The following RALGPS1 variants were observed in gnomAD, a reference collection of about 807,000 sequenced individuals.
RALGPS1 encodes the protein ras-specific guanine nucleotide-releasing factor RalGPS1.
Under a neutral mutation model 78.8 loss-of-function variants are expected in RALGPS1, and 19 were observed. The ratio of observed to expected loss-of-function variants is 0.24; its 90% CI spans 0.17 to 0.35. RALGPS1 has a LOEUF of 0.35. RALGPS1 is among the 10% of genes least tolerant of loss of function. The pLI, the probability that RALGPS1 is intolerant of heterozygous loss-of-function variation, is 1.00. For synonymous variants in RALGPS1, 228 were observed against 256.3 expected, an observed-to-expected ratio of 0.89 and a Z score of 1.06; for missense variants, 454 against 688.3, an observed-to-expected ratio of 0.66 and a Z score of 3.81.
intron 4 of RALGPS1, among the ~76,000 whole-genome samples, chr9:127,028,460 G>A (rs1165734686): frequency 1.3e-5 from 2 of 152,252 alleles, no homozygotes; most frequent in Non-Finnish European, 1.5e-5. Flanking sequence ...TCTGTGGAGT[G>A]TGTAGCACAG....
At chr9:127,115,494 G>T (rs1029446067) in intron 8 of RALGPS1, among the ~76,000 whole-genome samples, 1 of 152,206 alleles carries the variant, frequency 6.6e-6, no homozygotes, top group African/African-American at 2.4e-5. Flanking sequence ...TAAGAGAAAG[G>T]TATTATATCT....
intron 14 of RALGPS1, among the ~76,000 whole-genome samples, chr9:127,201,738 C>T (rs761755484): frequency 3.9e-5 from 6 of 152,164 alleles, no homozygotes; most frequent in Non-Finnish European, 7.3e-5. Flanking sequence ...TCACCCAGGC[C>T]AAATCCTCCT....
Position 127,107,802 on chromosome 9 carries a change from T to G in RALGPS1, c.610+38446T>G, listed in dbSNP as rs1167264191. The G allele has an allele frequency of 7.1e-6, 8 of 1,126,448 alleles. No homozygotes were observed. The East Asian group carries it at 1.7e-4, about 24-fold the overall frequency. The allele number at this position is 1,126,448 out of a possible 1,614,324, so 69.8% of individuals were successfully genotyped here. A position where few individuals can be genotyped will look rare whatever the true frequency, so the allele number is the denominator to read the frequency against. On this transcript the variant is annotated intron_variant, in intron 8 of 18. Coordinates refer to ENST00000259351, the MANE Select transcript of RALGPS1 (RefSeq NM_014636.3). The stretch of plus-strand genomic sequence containing the variant: ...AGGGATTGCTGGGGGATTGTGCATG[T>G]CTTTGGCCTGGCTTCAACTGGCCAT...
At chr9:127,161,088 A>G (rs1428197890) in intron 8 of RALGPS1, among the ~76,000 whole-genome samples, 1 of 152,240 alleles carries the variant, frequency 6.6e-6, no homozygotes, top group Non-Finnish European at 1.5e-5. Context: ...TCACAATGTC[A>G]TCTGCTTTGG....
At chr9:127,078,976 A>C (rs1301237351) in intron 8 of RALGPS1, among the ~76,000 whole-genome samples, 1 of 152,244 alleles carries the variant, frequency 6.6e-6, no homozygotes, top group Non-Finnish European at 1.5e-5. Context: ...GCTGCAAAAT[A>C]TGAACAAGAT....
chr9:126,957,028 C>T (rs1361973921), intron 1 of RALGPS1, among the ~76,000 whole-genome samples: 2 of 152,220 alleles, frequency 1.3e-5, no homozygotes, highest in African/African-American at 4.8e-5. Flanking sequence ...GTCACATTAC[C>T]TCACTGTGCT....
At chr9:127,137,905 G>A (rs908204688) in intron 8 of RALGPS1, among the ~76,000 whole-genome samples, 1 of 152,216 alleles carries the variant, frequency 6.6e-6, no homozygotes, top group Admixed American at 6.5e-5. Context: ...TCCCTCATCT[G>A]TAAATGGGGT....
rs1215804581 is a variant in RALGPS1, at chr9:127,220,249, TC to T, written c.*1481del. The stretch of plus-strand genomic sequence containing the variant: ...TTTCAGAGCTCAGACTGATCAGGCA[TC>T]AAGCTACCCTCAAGAGTTTCTGGGC... On this transcript the variant is annotated 3_prime_UTR_variant, in exon 19 of 19. Transcript: ENST00000259351. 4.6e-5 allele frequency: 7 copies of T among 152,140 alleles called. No individual in the cohort carries two copies. The highest frequency in any genetic ancestry group is 1.7e-4 in the African/African-American group (7 of 41,434). The allele number at this position is 152,140 out of a possible 1,614,324, so 9.4% of individuals were successfully genotyped here.
At chr9:127,064,599 A>G (rs925509567) in intron 7 of RALGPS1, among the ~76,000 whole-genome samples, 1 of 152,200 alleles carries the variant, frequency 6.6e-6, no homozygotes, top group African/African-American at 2.4e-5. Flanking sequence ...CCATATACTT[A>G]CCAATGTGCT....
intron 7 of RALGPS1, among the ~76,000 whole-genome samples, chr9:127,054,496 G>A (rs536808296): frequency 2.0e-5 from 3 of 152,234 alleles, no homozygotes; most frequent in South Asian, 2.1e-4. Flanking sequence ...GCAGAGATAC[G>A]GTCCACTCAG....
intron 5 of RALGPS1, among the ~76,000 whole-genome samples, chr9:127,045,746 C>CACACACACACAT: frequency 9.4e-6 from 1 of 106,572 alleles, no homozygotes; most frequent in East Asian, 2.8e-4. Context: ...CACACACACA[C>CACACACACACAT]ACACACACAC....
At chr9:126,960,148 C>T (rs2038734328) in intron 1 of RALGPS1, among the ~76,000 whole-genome samples, 1 of 147,042 alleles carries the variant, frequency 6.8e-6, no homozygotes, top group African/African-American at 2.5e-5. Flanking sequence ...CCTGTTTCTT[C>T]CCTTTCTTCC....
chr9:127,166,006 G>A, intron 8 of RALGPS1, 63 bp from the exon 9 acceptor site: 1 of 1,539,854 alleles, frequency 6.5e-7, no homozygotes, highest in Non-Finnish European at 8.7e-7. Context: ...GTACTATTTT[G>A]TGCTATTTTG....
rs1198393683 is a variant in RALGPS1, at chr9:127,212,182, C to T, written c.1299C>T (p.Thr433=). 1 of 1,613,942 alleles carries T rather than the reference C, an allele frequency of 6.2e-7. No individual in the cohort carries two copies. The highest frequency in any genetic ancestry group is 1.3e-5 in the African/African-American group (1 of 75,044). Residue 433 remains threonine (T), a synonymous_variant, in exon 15 of 19, where the codon ACC becomes ACT. Coordinates refer to ENST00000259351, the MANE Select transcript of RALGPS1 (RefSeq NM_014636.3). This position sits in a 1 kb window ranked among gnomAD's most constrained non-coding sequence, Gnocchi z 6.0. ...CSLGNSAAVP[T]MEGPLRRKTL... is the part of the protein sequence containing the mutation. ...TGGGGAACTCCGCAGCTGTGCCCAC[C>T]ATGGAGGGGCCTCTGAGAAGAAAAA...
At chr9:127,195,009 C>T in intron 11 of RALGPS1, 82 bp from the exon 12 acceptor site, 1 of 1,548,536 alleles carries the variant, frequency 6.5e-7, no homozygotes, top group African/African-American at 1.4e-5. Flanking sequence ...CCGGGGCCCA[C>T]CTCCACACCT....
chr9:127,177,800 C>T, intron 11 of RALGPS1: 1 of 1,538,968 alleles, frequency 6.5e-7, no homozygotes, highest in African/African-American at 1.4e-5. Context: ...TGGAAGTCAG[C>T]TGGGCAGCTA....
At chr9:127,019,812 G>A (rs890971243) in intron 4 of RALGPS1, among the ~76,000 whole-genome samples, 1 of 152,074 alleles carries the variant, frequency 6.6e-6, no homozygotes, top group Non-Finnish European at 1.5e-5. Flanking sequence ...CATGTGTCAT[G>A]GGGGGTTTGT....
At chr9:126,922,092 A>G (rs891822747) in intron 1 of RALGPS1, among the ~76,000 whole-genome samples, 8 of 152,176 alleles carry the variant, frequency 5.3e-5, no homozygotes, top group African/African-American at 1.9e-4. Flanking sequence ...CTGGTGAGGG[A>G]GAGGACGGAG....
At chr9:126,977,331 A>G (rs930298862) in intron 3 of RALGPS1, among the ~76,000 whole-genome samples, 5 of 152,250 alleles carry the variant, frequency 3.3e-5, no homozygotes, top group African/African-American at 1.2e-4. Flanking sequence ...TATTGTTTCT[A>G]CAACTTTAAA....
Sources: allele counts gnomAD v4.1 joint callset (sites outside exome capture counted in the v4.1 genomes callset), GRCh38; gene constraint gnomAD v4.1.1; non-coding constraint Gnocchi (gnomAD v3.1); transcripts MANE v1.5; gene names NCBI Gene and HGNC (gene_info 2026-07-23, HGNC 2026-07-21).